DSCAML1: variants seen among roughly 807,000 people sequenced by gnomAD.
DSCAML1 encodes cell adhesion molecule DSCAML1.
A neutral mutation model predicts 200.5 loss-of-function variants in DSCAML1; 38 were observed. The ratio of observed to expected loss-of-function variants is 0.19; its 90% confidence interval spans 0.15 to 0.25. The LOEUF (loss-of-function observed/expected upper bound fraction) is 0.25, where lower values mean the gene tolerates loss of function less well. Ranked by LOEUF, DSCAML1 falls within the 10% of genes least tolerant of loss-of-function variation. The pLI is 1.00. For missense variants in DSCAML1, 2,223 were observed against 2,858.8 expected (o/e 0.78, Z 5.07); for synonymous variants, 1,215 against 1,165.0 (o/e 1.04, Z -0.87).
chr11:117,545,118 T>C (rs2050346343), intron 3 of DSCAML1, among the ~76,000 whole-genome samples: 1 of 151,966 alleles, frequency 6.6e-6, no homozygotes, highest in Non-Finnish European at 1.5e-5. Flanking sequence ...TAATCCCAGA[T>C]ACTCGGGAGG....
rs549424768 is a variant in DSCAML1, at chr11:117,630,854, C to T, written c.512-98332G>A. Among the ~76,000 whole-genome samples the T allele has an allele frequency of 2.6e-5, 4 of 152,066 alleles. No homozygotes were observed. The South Asian group carries it at 6.2e-4, about 24-fold the overall frequency. ...AGTGCCTGGGTTCAAAGCCCGGCTC[C>T]GATACCCTTCCTAAATGTGTGACCT... is the stretch of plus-strand genomic sequence containing the variant. On this transcript the variant is annotated intron_variant, in intron 3 of 32. Transcript: ENST00000651296.
Position 117,515,140 on chromosome 11 carries a change from T to C in DSCAML1, c.1783+1327A>G, listed in dbSNP as rs183752263. On this transcript the variant is annotated intron_variant, in intron 8 of 32. Coordinates refer to ENST00000651296, the MANE Select transcript of DSCAML1 (RefSeq NM_020693.4). ...TCCCAGGCGGAGCCCCAGGCTGAGG[T>C]CTTCATGCTTCTGTAGCCTCAGGCT... 4.1e-3 allele frequency among the ~76,000 whole-genome samples: 627 copies of C among 152,242 alleles called. 7 individuals are homozygous for C. Among genetic ancestry groups the C allele is most frequent in the African/African-American group, 0.015 (603 of 41,552 alleles).
chr11:117,552,613 G>C (rs1591257299), intron 3 of DSCAML1, among the ~76,000 whole-genome samples: 2 of 152,320 alleles, frequency 1.3e-5, no homozygotes, highest in East Asian at 3.9e-4. Context: ...CAGGGTCCTT[G>C]TGGGGATGAA....
At chr11:117,441,845 C>G (rs1456315208) in intron 21 of DSCAML1, among the ~76,000 whole-genome samples, 1 of 152,082 alleles carries the variant, frequency 6.6e-6, no homozygotes, top group Non-Finnish European at 1.5e-5. Flanking sequence ...ATGAAGACGG[C>G]CTCCATGCGG....
intron 3 of DSCAML1, among the ~76,000 whole-genome samples, chr11:117,584,295 TCC>T: frequency 6.6e-6 from 1 of 152,244 alleles, no homozygotes; most frequent in East Asian, 1.9e-4. Context: ...TTGGTCTGAT[TCC>T]CCATCTGCCT....
intron 5 of DSCAML1, 88 bp downstream of exon 5, chr11:117,524,717 A>C: frequency 6.9e-7 from 1 of 1,454,924 alleles, no homozygotes; most frequent in Non-Finnish European, 9.2e-7. Context: ...GGTCAGAGAC[A>C]GGTCCAGCTG....
Position 117,458,833 on chromosome 11 carries a change from G to A in DSCAML1, c.3489C>T (p.Tyr1163=), listed in dbSNP as rs771598727. 3 of 1,614,076 alleles carry A rather than the reference G, an allele frequency of 1.9e-6. No homozygotes were observed. Among genetic ancestry groups the A allele is most frequent in the Admixed American group, 3.3e-5 (2 of 60,018 alleles). ...GGGTGTAGGCCAGCACCTGGACGCT[G>A]TAGTTGGTGAACTTCTCCATGCCCC... is the stretch of plus-strand genomic sequence containing the variant. ...ELRGMEKFTN[Y]SVQVLAYTQA... is the part of the protein sequence containing the mutation. Residue 1163 remains tyrosine (Y), a synonymous_variant, in exon 19 of 33, where the codon TAC becomes TAT. Coordinates refer to ENST00000651296, the MANE Select transcript of DSCAML1 (RefSeq NM_020693.4).
intron 3 of DSCAML1, among the ~76,000 whole-genome samples, chr11:117,769,222 TTGTATATATTATATATTTTATATATG>T (rs2054964119): frequency 7.0e-5 from 2 of 28,716 alleles, no homozygotes; most frequent in Non-Finnish European, 1.9e-4. Context: ...TTTATATATA[TTGTATATATTATATATTTTATATATG>T]TATATATTAT....
chr11:117,440,339 G>A (rs1470192763), intron 21 of DSCAML1, among the ~76,000 whole-genome samples: 1 of 152,174 alleles, frequency 6.6e-6, no homozygotes, highest in East Asian at 1.9e-4. Context: ...GTGGGCAGTG[G>A]AGGCAACGGC....
intron 19 of DSCAML1, among the ~76,000 whole-genome samples, chr11:117,458,062 C>G (rs1298866679): frequency 1.5e-5 from 2 of 136,968 alleles, no homozygotes; most frequent in Non-Finnish European, 3.2e-5. Context: ...GCTGTTCATG[C>G]ACTGTGCCTC....
chr11:117,632,019 C>T (rs1783380999), intron 3 of DSCAML1, among the ~76,000 whole-genome samples: 1 of 152,220 alleles, frequency 6.6e-6, no homozygotes, highest in Non-Finnish European at 1.5e-5. Flanking sequence ...ACGTACAGCT[C>T]ACCTGGCCCA....
intron 19 of DSCAML1, among the ~76,000 whole-genome samples, chr11:117,458,272 G>A (rs2048412470): frequency 6.6e-6 from 1 of 152,140 alleles, no homozygotes; most frequent in South Asian, 2.1e-4. Context: ...AGATCACCCA[G>A]CTCCAAATGG....
intron 23 of DSCAML1, 128 bp downstream of exon 23, chr11:117,439,138 G>A (rs2047986132): frequency 7.1e-7 from 1 of 1,412,064 alleles, no homozygotes; most frequent in South Asian, 1.4e-5. Flanking sequence ...GTGCACCTCT[G>A]TTTCTCCAGA....
Position 117,443,902 on chromosome 11 carries a change from G to T in DSCAML1, c.3846C>A (p.Ile1282=). 7 of 1,607,540 alleles carry T rather than the reference G, an allele frequency of 4.4e-6. No homozygotes were observed. Among genetic ancestry groups the T allele is most frequent in the Non-Finnish European group, 5.9e-6 (7 of 1,177,106 alleles). The part of the protein sequence containing the change: ...GRGNSSEKVT[I]EPAGKAPAKI... The stretch of plus-strand genomic sequence containing the variant: ...GCTTCTCACCCTTGCCAGCAGGCTC[G>T]ATGGTCACCTTCTCGCTGCTGTTGC... Residue 1282 remains isoleucine (I), a synonymous_variant, in exon 21 of 33, where the codon ATC becomes ATA. Coordinates refer to ENST00000651296, the MANE Select transcript of DSCAML1 (RefSeq NM_020693.4).
At chr11:117,816,453 G>T (rs960075136) in intron 1 of DSCAML1, among the ~76,000 whole-genome samples, 23 of 152,356 alleles carry the variant, frequency 1.5e-4, no homozygotes, top group African/African-American at 5.3e-4. Flanking sequence ...AAGAATGGGC[G>T]CTTGGTGAGG....
rs919649992 is a variant in DSCAML1, at chr11:117,504,894, T to C, written c.2182+30A>G. 6.3e-7 allele frequency: 1 copy of C among 1,582,638 alleles called. No individual in the cohort carries two copies. The highest frequency in any genetic ancestry group is 1.7e-5 in the Admixed American group (1 of 58,170). On this transcript the variant is annotated intron_variant, in intron 10 of 32. Coordinates refer to ENST00000651296, the MANE Select transcript of DSCAML1 (RefSeq NM_020693.4). The surrounding 1 kb of genome is among the most constrained non-coding windows in gnomAD (Gnocchi z 5.0). ...CCTCCGTTCCCCGTCCCTGCCCTTC[T>C]TGGAGATTCTGGCTGGGCCAGGGGC...
In DSCAML1 at chr11:117,582,633, C is replaced by G. The variant is rs562587113; in HGVS notation, c.512-50111G>C. Among the ~76,000 whole-genome samples the G allele has an allele frequency of 3.3e-5, 5 of 152,304 alleles. No individual in the cohort carries two copies. The South Asian group carries it at 1.0e-3, about 32-fold the overall frequency. On this transcript the variant is annotated intron_variant, in intron 3 of 32. Transcript: ENST00000651296. ...ACAGTGAAGGGGACCCTCAGGCCTGCCAAGTGCAAACCAGAGAGTGCCAGG... is the reference window on the plus strand; with the variant it reads ...ACAGTGAAGGGGACCCTCAGGCCTGGCAAGTGCAAACCAGAGAGTGCCAGG...
chr11:117,451,158 C>G (rs10892109), intron 19 of DSCAML1, among the ~76,000 whole-genome samples: 23,421 of 152,198 alleles, frequency 0.15, 2,621 homozygotes, highest in East Asian at 0.48. Flanking sequence ...GGGCATTGCC[C>G]TTGGAGTGCT....
chr11:117,548,308 A>G (rs2050412243), intron 3 of DSCAML1, among the ~76,000 whole-genome samples: 1 of 152,240 alleles, frequency 6.6e-6, no homozygotes, highest in Non-Finnish European at 1.5e-5. Context: ...GGTCACAGCA[A>G]CTTGCCCCAA....
Sources: gnomAD v4.1 joint callset for allele counts (sites outside exome capture counted in the v4.1 genomes callset) on GRCh38, gnomAD v4.1.1 for gene constraint, Gnocchi (gnomAD v3.1) non-coding constraint, MANE v1.5 for transcripts, NCBI Gene and HGNC (gene_info 2026-07-23, HGNC 2026-07-21) for gene names.